RARB: variants seen among roughly 807,000 people sequenced by gnomAD.
RARB encodes the protein HBV-activated protein.
In RARB, 17 loss-of-function variants were observed where a neutral mutation model predicts 51.9. That is an observed-to-expected ratio of 0.33 (90% CI 0.22 to 0.49). The LOEUF (loss-of-function observed/expected upper bound fraction) is 0.49, where lower values mean the gene tolerates loss of function less well. RARB is among the 20% of genes least tolerant of loss of function. The pLI is 0.99. For missense variants in RARB, 369 were observed against 550.8 expected (o/e 0.67, Z 3.30); for synonymous variants, 215 against 195.4 (o/e 1.10, Z -0.84).
intron 2 of RARB, among the ~76,000 whole-genome samples, chr3:24,966,942 C>G (rs1452733183): frequency 6.6e-6 from 1 of 152,122 alleles, no homozygotes; most frequent in Non-Finnish European, 1.5e-5. Context: ...ATTTTCCATA[C>G]TTGGCTCGTC....
intron 3 of RARB, among the ~76,000 whole-genome samples, chr3:25,557,565 C>G (rs1016324215): frequency 6.6e-6 from 1 of 152,126 alleles, no homozygotes; most frequent in Non-Finnish European, 1.5e-5. Flanking sequence ...TGTTCCCTCA[C>G]CATCATTGTG....
intron 4 of RARB, among the ~76,000 whole-genome samples, chr3:25,149,712 C>T (rs1194551122): frequency 6.6e-6 from 1 of 152,138 alleles, no homozygotes; most frequent in East Asian, 1.9e-4. Context: ...TATAACGTAC[C>T]CTGTCTCTCT....
At chr3:24,882,679 A>C (rs1172189440) in intron 2 of RARB, among the ~76,000 whole-genome samples, 1 of 152,166 alleles carries the variant, frequency 6.6e-6, no homozygotes, top group East Asian at 1.9e-4. Flanking sequence ...TTCATAGTTT[A>C]ACTGCCCCAA....
At chr3:25,219,881 A>G (rs992811657) in intron 5 of RARB, among the ~76,000 whole-genome samples, 1 of 152,246 alleles carries the variant, frequency 6.6e-6, no homozygotes, top group African/African-American at 2.4e-5. Context: ...GATACAGGAA[A>G]AAATAATCTA....
chr3:25,348,679 A>T (rs1233840359), intron 5 of RARB, among the ~76,000 whole-genome samples: 2 of 152,250 alleles, frequency 1.3e-5, no homozygotes, highest in Non-Finnish European at 2.9e-5. Flanking sequence ...TTAATGTTAA[A>T]TGTTAGTAAA....
chr3:25,119,377 T>A (rs79357641), intron 3 of RARB, among the ~76,000 whole-genome samples: 66 of 152,258 alleles, frequency 4.3e-4, no homozygotes, highest in African/African-American at 1.5e-3. Context: ...TAACTGTGTT[T>A]GCTACAGTTT....
upstream of RARB, among the ~76,000 whole-genome samples, chr3:25,427,697 AAG>A (rs1419837460): frequency 2.6e-5 from 4 of 152,212 alleles, no homozygotes; most frequent in African/African-American, 7.2e-5. Context: ...AAGAGGGAGA[AAG>A]AGAAAAAGAC....
At chr3:25,123,825 A>G (rs999423437) in intron 3 of RARB, among the ~76,000 whole-genome samples, 1 of 152,014 alleles carries the variant, frequency 6.6e-6, no homozygotes, top group Non-Finnish European at 1.5e-5. Context: ...CTCATCTACT[A>G]TCTCTAATGT....
rs397787638 is a variant in RARB, at chr3:24,995,240, T to TA, written c.-379-64884dup. ...AAAGTTATTTCCAGGTGTTTTTTTT[T>TA]ATAGCTTTTGTAAATGGGATTGCCT... On this transcript the variant is annotated intron_variant, in intron 2 of 11. Coordinates refer to the RARB transcript ENST00000383772. Among the ~76,000 whole-genome samples the TA allele has an allele frequency of 8.6e-5, 13 of 151,928 alleles. No homozygotes were observed. The South Asian group carries it at 1.2e-3, about 15-fold the overall frequency.
chr3:25,191,817 CAAATT>C (rs1254441047), intron 5 of RARB, among the ~76,000 whole-genome samples: 1 of 152,050 alleles, frequency 6.6e-6, no homozygotes, highest in Non-Finnish European at 1.5e-5. Context: ...GCTTCAATGA[CAAATT>C]AAATCTTTGA....
At chr3:25,510,040 G>A (rs1348643090) in intron 3 of RARB, among the ~76,000 whole-genome samples, 1 of 152,138 alleles carries the variant, frequency 6.6e-6, no homozygotes, top group Non-Finnish European at 1.5e-5. Context: ...GTGGTGCTGT[G>A]GTAGTTCATG....
intron 5 of RARB, among the ~76,000 whole-genome samples, chr3:25,280,123 G>C (rs1034641614): frequency 2.0e-5 from 3 of 152,178 alleles, no homozygotes; most frequent in Non-Finnish European, 4.4e-5. Flanking sequence ...AACAGGTACA[G>C]TTGTGTAATG....
chr3:24,944,368 G>A (rs1440150576), intron 2 of RARB, among the ~76,000 whole-genome samples: 1 of 152,136 alleles, frequency 6.6e-6, no homozygotes. Flanking sequence ...TTGAAAGCCT[G>A]GAAATAGCTA....
intron 4 of RARB, among the ~76,000 whole-genome samples, chr3:25,577,789 C>G (rs1182482324): frequency 6.6e-6 from 1 of 152,202 alleles, no homozygotes; most frequent in Non-Finnish European, 1.5e-5. Flanking sequence ...GCAAAACTTG[C>G]CATTTAATTG....
At chr3:25,381,622 T>C (rs774537218) in intron 5 of RARB, among the ~76,000 whole-genome samples, 12 of 152,230 alleles carry the variant, frequency 7.9e-5, no homozygotes, top group Non-Finnish European at 1.5e-4. Context: ...ACAGATGTTT[T>C]GAGAAATGCA....
intron 2 of RARB, among the ~76,000 whole-genome samples, chr3:24,920,964 C>A (rs1695204522): frequency 6.6e-6 from 1 of 152,134 alleles, no homozygotes; most frequent in African/African-American, 2.4e-5. Context: ...CATCACTTCC[C>A]CTCATACTGG....
intron 5 of RARB, among the ~76,000 whole-genome samples, chr3:25,256,864 T>G (rs4327352): frequency 1 from 151,815 of 152,238 alleles, 75,698 homozygotes; most frequent in Non-Finnish European, 1. Context: ...GCATATTTTT[T>G]AGAGGTCGTG....
chr3:25,070,812 G>T (rs551323094), intron 3 of RARB, among the ~76,000 whole-genome samples: 7 of 152,316 alleles, frequency 4.6e-5, no homozygotes, highest in African/African-American at 1.7e-4. Context: ...TGAAGAATAT[G>T]ATTAAATGAA....
At chr3:25,469,452 T>C (rs1255070598) in intron 2 of RARB, among the ~76,000 whole-genome samples, 1 of 152,142 alleles carries the variant, frequency 6.6e-6, no homozygotes, top group Non-Finnish European at 1.5e-5. Flanking sequence ...AAGAACAAAA[T>C]AACATATCCA....
Sources: gnomAD v4.1 joint callset for allele counts (sites outside exome capture counted in the v4.1 genomes callset) on GRCh38, gnomAD v4.1.1 for gene constraint, MANE v1.5 for transcripts, NCBI Gene and HGNC (gene_info 2026-07-23, HGNC 2026-07-21) for gene names.